Variants in VAV3 observed in about 807,000 individuals in gnomAD.
The protein encoded by VAV3 is guanine nucleotide exchange factor VAV3.
VAV3 carries 94 observed loss-of-function variants against 131.2 expected under a neutral mutation model. That is an observed-to-expected ratio of 0.72 (90% CI 0.61 to 0.85). VAV3 has a LOEUF of 0.85. VAV3 is among the 40% of genes least tolerant of loss of function. The pLI is 0.00. For synonymous variants in VAV3, 349 were observed against 342.0 expected, an observed-to-expected ratio of 1.02 and a Z score of -0.22; for missense variants, 939 against 1,002.7, an observed-to-expected ratio of 0.94 and a Z score of 0.86.
chr1:107,653,477 A>G (rs990662557), intron 19 of VAV3, among the ~76,000 whole-genome samples: 9 of 152,072 alleles, frequency 5.9e-5, no homozygotes, highest in South Asian at 2.1e-4. Flanking sequence ...GTAAACTTCT[A>G]TGAGTCCACT....
At chr1:107,691,929 C>T (rs1297687260) in intron 17 of VAV3, among the ~76,000 whole-genome samples, 1 of 152,090 alleles carries the variant, frequency 6.6e-6, no homozygotes. Context: ...ATAATTTTTA[C>T]TTGTTTAAAT....
At chr1:107,942,526 G>C (rs1349795717) in intron 1 of VAV3, among the ~76,000 whole-genome samples, 1 of 152,108 alleles carries the variant, frequency 6.6e-6, no homozygotes, top group Non-Finnish European at 1.5e-5. Context: ...GTAATCATTA[G>C]AGTGATCTCT....
chr1:107,895,444 T>C (rs895011042), intron 1 of VAV3, among the ~76,000 whole-genome samples: 2 of 152,170 alleles, frequency 1.3e-5, no homozygotes, highest in Non-Finnish European at 2.9e-5. Flanking sequence ...TCAGACACTA[T>C]CCTAAGCAAT....
intron 12 of VAV3, among the ~76,000 whole-genome samples, chr1:107,751,714 G>A (rs1663740324): frequency 6.6e-6 from 1 of 152,096 alleles, no homozygotes; most frequent in Admixed American, 6.5e-5. Context: ...AGTCCAGGCT[G>A]GCTTTCTTGA....
intron 15 of VAV3, among the ~76,000 whole-genome samples, chr1:107,745,244 G>A (rs775234759): frequency 4.6e-5 from 7 of 151,944 alleles, no homozygotes; most frequent in South Asian, 2.1e-4. Flanking sequence ...AATGCATATC[G>A]ATCAGCCTCT....
intron 15 of VAV3, among the ~76,000 whole-genome samples, chr1:107,734,277 C>A (rs71655932): frequency 0.17 from 25,658 of 152,154 alleles, 2,921 homozygotes; most frequent in Non-Finnish European, 0.25. Flanking sequence ...TAAAGACCAG[C>A]AATGCTAGGA....
Position 107,940,814 on chromosome 1 carries a change from G to C in VAV3, c.204+23852C>G, listed in dbSNP as rs1475776560. On this transcript the variant is annotated intron_variant, in intron 1 of 26. Transcript: ENST00000370056. ...AGACAAAGTAGAAAGGGGGTTGCCA[G>C]GGGCTTCAGGGGGAGTTGTTGTTTA... Among the ~76,000 whole-genome samples the C allele has an allele frequency of 2.0e-5, 3 of 152,270 alleles. No individual in the cohort carries two copies. The East Asian group carries it at 5.8e-4, about 29-fold the overall frequency.
Position 107,606,803 on chromosome 1 carries a change from CTT to C in VAV3, c.2015+3126_2015+3127del, listed in dbSNP as rs34849497. ...TGTCTGCTCACTCCAATGGTTTCTTCTTTTTTTTTTTTTTTTTTTTTTTTTTA... is the reference window on the plus strand; with the variant it reads ...TGTCTGCTCACTCCAATGGTTTCTTCTTTTTTTTTTTTTTTTTTTTTTTTA... On this transcript the variant is annotated intron_variant, in intron 22 of 26. Coordinates refer to ENST00000370056, the MANE Select transcript of VAV3 (RefSeq NM_006113.5). Among the ~76,000 whole-genome samples the C allele has an allele frequency of 7.8e-4, 45 of 58,006 alleles. No homozygotes were observed. In the South Asian group the frequency reaches 8.6e-3, roughly 11 times the overall value. 38.1% of individuals were successfully genotyped at this position (58,006 alleles called of 152,430 possible).
chr1:107,899,292 T>A (rs12138038), intron 1 of VAV3, among the ~76,000 whole-genome samples: 34,056 of 152,054 alleles, frequency 0.22, 3,932 homozygotes, highest in African/African-American at 0.27. Flanking sequence ...AATAAAAAAA[T>A]GTCTGGGCTG....
At chr1:107,754,355 T>C (rs1557822926) in intron 12 of VAV3, among the ~76,000 whole-genome samples, 2 of 152,182 alleles carry the variant, frequency 1.3e-5, no homozygotes, top group Non-Finnish European at 2.9e-5. Flanking sequence ...GAAATGGGTA[T>C]GTGGCTGCAT....
At chr1:107,823,266 A>C (rs956607683) in intron 2 of VAV3, among the ~76,000 whole-genome samples, 1 of 152,208 alleles carries the variant, frequency 6.6e-6, no homozygotes, top group Admixed American at 6.5e-5. Flanking sequence ...GCAGATAATG[A>C]TTCTTCCATT....
chr1:107,781,488 C>A (rs1307868288), intron 2 of VAV3, among the ~76,000 whole-genome samples: 5 of 152,028 alleles, frequency 3.3e-5, no homozygotes, highest in African/African-American at 1.2e-4. Flanking sequence ...ATATTTCAAA[C>A]CAACATGTTG....
At chr1:107,666,572 C>CTTT (rs561256376) in intron 19 of VAV3, among the ~76,000 whole-genome samples, 18 of 138,266 alleles carry the variant, frequency 1.3e-4, no homozygotes, top group African/African-American at 3.8e-4. Flanking sequence ...TCATTTGAGA[C>CTTT]TTTTTTTTTT....
intron 2 of VAV3, among the ~76,000 whole-genome samples, chr1:107,866,810 G>A (rs367856477): frequency 8.9e-5 from 9 of 100,860 alleles, no homozygotes; most frequent in Admixed American, 1.5e-4. Context: ...GCAAAAGAGC[G>A]AGACTCCATC....
chr1:107,687,177 T>A (rs1164384182), intron 18 of VAV3, among the ~76,000 whole-genome samples: 1 of 152,116 alleles, frequency 6.6e-6, no homozygotes, highest in East Asian at 1.9e-4. Flanking sequence ...ATTAAAAAAA[T>A]CACCTTGTTA....
chr1:107,878,959 G>A (rs1383016509), intron 1 of VAV3, among the ~76,000 whole-genome samples: 7 of 151,506 alleles, frequency 4.6e-5, no homozygotes, highest in African/African-American at 1.7e-4. Flanking sequence ...GTATTCTTTT[G>A]TCAAAAAACA....
chr1:107,694,500 A>G (rs2101800579), intron 17 of VAV3, among the ~76,000 whole-genome samples: 1 of 152,310 alleles, frequency 6.6e-6, no homozygotes, highest in East Asian at 1.9e-4. Context: ...TGCTTAGGCC[A>G]TGAGCCTTTC....
intron 1 of VAV3, among the ~76,000 whole-genome samples, chr1:107,890,966 A>AT (rs1671281677): frequency 6.7e-6 from 1 of 149,994 alleles, no homozygotes; most frequent in African/African-American, 2.4e-5. Context: ...GGGTTTTATT[A>AT]TTTTGGTTTT....
chr1:107,630,875 T>C (rs1654415781), intron 20 of VAV3, among the ~76,000 whole-genome samples: 1 of 152,176 alleles, frequency 6.6e-6, no homozygotes, highest in Admixed American at 6.6e-5. Context: ...AGAATTTTTT[T>C]AAAAACATGG....
Sources: allele counts gnomAD v4.1 joint callset (sites outside exome capture counted in the v4.1 genomes callset), GRCh38; gene constraint gnomAD v4.1.1; transcripts MANE v1.5; gene names NCBI Gene and HGNC (gene_info 2026-07-23, HGNC 2026-07-21).